Variants in SMPD4 observed in about 807,000 individuals in gnomAD.
SMPD4 encodes sphingomyelin phosphodiesterase 4.
A neutral mutation model predicts 97.8 loss-of-function variants in SMPD4; 58 were observed. The observed-to-expected ratio is 0.59, with a 90% CI of 0.48 to 0.74. The LOEUF (loss-of-function observed/expected upper bound fraction) is 0.74. Among genes scored for constraint, SMPD4 ranks in the 30% least tolerant of loss-of-function variants. SMPD4 has a pLI of 0.00. For missense variants in SMPD4, 853 were observed against 1,080.5 expected, an observed-to-expected ratio of 0.79 and a Z score of 2.95; for synonymous variants, 388 against 450.0, an observed-to-expected ratio of 0.86 and a Z score of 1.74.
In SMPD4 at chr2:130,153,151, C is replaced by T. The variant is rs1472427134; in HGVS notation, c.2046G>A (p.Arg682=). ...GGTCCCCCTGGTACTCAATTTCAAA[C>T]CTTCGCAGCCCATTGATGATCTAGA... ...GRYQIINGLR[R]FEIEYQGDPE... Residue 682 remains arginine (R), a synonymous_variant, in exon 19 of 20, where the codon AGG becomes AGA. Coordinates refer to ENST00000680298, the MANE Select transcript of SMPD4 (RefSeq NM_017951.5). The T allele has an allele frequency of 1.2e-6, 2 of 1,613,870 alleles. No homozygotes were observed. The highest frequency in any genetic ancestry group is 1.7e-6 in the Non-Finnish European group (2 of 1,179,988).
intron 11 of SMPD4, chr2:130,158,123 G>C: frequency 8.8e-7 from 1 of 1,135,134 alleles, no homozygotes; most frequent in South Asian, 1.5e-5. Flanking sequence ...GTGGGTGAGA[G>C]TAAGACCTGG....
At chr2:130,167,277 C>T (rs551936348) in intron 9 of SMPD4, among the ~76,000 whole-genome samples, 181 bp downstream of exon 9, 5 of 152,252 alleles carry the variant, frequency 3.3e-5, no homozygotes, top group African/African-American at 9.6e-5. Context: ...CCTGCCACCA[C>T]GCCCAACTAA....
In SMPD4 at chr2:130,175,015, A is replaced by G; in HGVS notation, c.40-15T>C. On this transcript the variant is annotated splice_polypyrimidine_tract_variant and intron_variant, in intron 2 of 19. Coordinates refer to ENST00000680298, the MANE Select transcript of SMPD4 (RefSeq NM_017951.5). Reference sequence around the variant, plus strand: ...TTCAGGCTAGCCTAGAAGACAGAACAAAGCGAAAAAGTCACGAGGACATTC... The same window carrying G: ...TTCAGGCTAGCCTAGAAGACAGAACGAAGCGAAAAAGTCACGAGGACATTC... The G allele has an allele frequency of 6.3e-7, 1 of 1,581,194 alleles. No homozygotes were observed.
chr2:130,166,790 G>A (rs1359755212), intron 9 of SMPD4, among the ~76,000 whole-genome samples: 1 of 152,216 alleles, frequency 6.6e-6, no homozygotes, highest in African/African-American at 2.4e-5. Flanking sequence ...GGGCAGACAA[G>A]GAAATCTGTC....
In SMPD4 at chr2:130,161,229, T is replaced by C. The variant is rs1253952104; in HGVS notation, c.908A>G (p.Tyr303Cys). The C allele has an allele frequency of 6.2e-7, 1 of 1,613,568 alleles. No individual in the cohort carries two copies. Among genetic ancestry groups the C allele is most frequent in the East Asian group, 2.2e-5 (1 of 44,838 alleles). Residue 303 changes from tyrosine to cysteine, a missense_variant, in exon 11 of 20, where the codon TAC becomes TGC. Coordinates refer to ENST00000680298, the MANE Select transcript of SMPD4 (RefSeq NM_017951.5). ...CTGGAGGCTGGGTTGGGCGGGGCTG[T>C]AGAGGGCGCTGGAGACACTGAGTCG... ...HYRLSVSSALYSPAQPSLQAL... is the reference protein window; with the variant it reads ...HYRLSVSSALCSPAQPSLQAL...
intron 12 of SMPD4, 139 bp from the exon 13 acceptor site, chr2:130,156,814 C>T: frequency 2.6e-6 from 4 of 1,546,250 alleles, no homozygotes; most frequent in Non-Finnish European, 3.5e-6. Context: ...CAGCCCCATT[C>T]TTCAGAGGAA....
intron 11 of SMPD4, 110 bp from the exon 12 acceptor site, chr2:130,157,506 C>T (rs1268306379): frequency 1.0e-5 from 16 of 1,532,604 alleles, no homozygotes; most frequent in East Asian, 4.8e-5. Context: ...GCTGCCCCCA[C>T]GGGAGGCATG....
chr2:130,156,531 C>T (rs1474694607), intron 13 of SMPD4, 54 bp downstream of exon 13: 7 of 1,553,366 alleles, frequency 4.5e-6, no homozygotes, highest in Non-Finnish European at 5.3e-6. Flanking sequence ...AAGGACCTCC[C>T]ACCTCAAGGC....
At position 130,170,458 on chromosome 2, in the gene SMPD4, C is replaced by CAAACAAAAAAAAAAA. The variant is rs1553438101; in HGVS notation, c.659+1890_659+1891insTTTTTTTTTTTGTTT. On this transcript the variant is annotated intron_variant, in intron 8 of 19. Transcript: ENST00000680298. The stretch of plus-strand genomic sequence containing the variant: ...CCTGGGCAACAGAGTAAGACCCTGT[C>CAAACAAAAAAAAAAA]AAAAAAAAAAAAAAAAGCACACAAT... Among the ~76,000 whole-genome samples the CAAACAAAAAAAAAAA allele has an allele frequency of 2.8e-4, 18 of 64,678 alleles. 1 individual carries two copies. The highest frequency in any genetic ancestry group is 1.1e-3 in the African/African-American group (18 of 16,030). The allele number at this position is 64,678 out of a possible 152,430, so 42.4% of individuals were successfully genotyped here.
intron 19 of SMPD4, 39 bp from the exon 20 acceptor site, chr2:130,152,923 G>A: frequency 1.3e-6 from 2 of 1,561,042 alleles, no homozygotes; most frequent in African/African-American, 1.4e-5. Context: ...TGGGGTGGTG[G>A]CACCACAGGC....
intron 3 of SMPD4, among the ~76,000 whole-genome samples, chr2:130,174,536 C>A (rs1376802228): frequency 6.6e-6 from 1 of 152,178 alleles, no homozygotes; most frequent in Non-Finnish European, 1.5e-5. Context: ...AATCTTGGTG[C>A]TGTTGACATT....
At chr2:130,174,472 C>A (rs1209417697) in intron 3 of SMPD4, among the ~76,000 whole-genome samples, 1 of 152,194 alleles carries the variant, frequency 6.6e-6, no homozygotes, top group African/African-American at 2.4e-5. Flanking sequence ...CTGGGCTTGA[C>A]AATTCCAGGT....
chr2:130,165,810 C>A (rs1459931073), intron 9 of SMPD4, among the ~76,000 whole-genome samples: 1 of 152,128 alleles, frequency 6.6e-6, no homozygotes, highest in Non-Finnish European at 1.5e-5. Flanking sequence ...CTTGAGCAAT[C>A]CTTTCCTGCT....
chr2:130,175,058 G>A, intron 2 of SMPD4, 58 bp from the exon 3 acceptor site: 1 of 1,236,816 alleles, frequency 8.1e-7, no homozygotes, highest in Non-Finnish European at 1.2e-6. Flanking sequence ...AGCTTTTAGT[G>A]GCACTCTGGC....
At chr2:130,161,921 C>T (rs967523576) in intron 10 of SMPD4, among the ~76,000 whole-genome samples, 4 of 152,190 alleles carry the variant, frequency 2.6e-5, no homozygotes, top group African/African-American at 9.7e-5. Context: ...GTGTCTAAAA[C>T]TCAAATCAAT....
rs1302079778 is a variant in SMPD4 at position 130,167,577 on chromosome 2, G to A, written c.673C>T (p.Pro225Ser). ...PSPPPRTPAI[P>S]FASYGLHHTS... ...TGGTGGAGGCCATAGGAAGCAAAGG[G>A]TATGGCTGGTGTCCTGAGGGAGACA... Residue 225 changes from proline (P) to serine (S), a missense_variant, in exon 9 of 20, where the codon CCC becomes TCC. Physicochemically the swap from Pro to Ser is moderately conservative, Grantham distance 74. Transcript: ENST00000680298. 6.2e-7 allele frequency: 1 copy of A among 1,609,856 alleles called. No homozygotes were observed. Among genetic ancestry groups the A allele is most frequent in the Non-Finnish European group, 8.5e-7 (1 of 1,177,118 alleles).
At position 130,161,286 on chromosome 2, in the gene SMPD4, C is replaced by T. The variant is rs1558748917; in HGVS notation, c.865-14G>A. ...CAGAACCTCCAGCTGAGATAAGAAA[C>T]AGAGAGATGCCGGAAGAGGCCGAAG... On this transcript the variant is annotated splice_polypyrimidine_tract_variant and intron_variant, in intron 10 of 19. Coordinates refer to ENST00000680298, the MANE Select transcript of SMPD4 (RefSeq NM_017951.5). The T allele has an allele frequency of 2.5e-6, 4 of 1,613,014 alleles. No homozygotes were observed. The highest frequency in any genetic ancestry group is 1.7e-6 in the Non-Finnish European group (2 of 1,179,316).
intron 3 of SMPD4, among the ~76,000 whole-genome samples, chr2:130,174,303 G>A (rs1392712133): frequency 6.6e-6 from 1 of 152,202 alleles, no homozygotes; most frequent in Non-Finnish European, 1.5e-5. Context: ...TTACAGGCAT[G>A]AGCCACCACA....
Position 130,154,492 on chromosome 2 carries a change from A to G in SMPD4, c.1454-10T>C, listed in dbSNP as rs943581266. On this transcript the variant is annotated splice_polypyrimidine_tract_variant and intron_variant, in intron 15 of 19. Coordinates refer to ENST00000680298, the MANE Select transcript of SMPD4 (RefSeq NM_017951.5). ...AGGAATAGCTGCTCACCTAGAAGGC[A>G]GGAGACGAACCTGGCACCCACTTCC... 3.9e-6 allele frequency: 6 copies of G among 1,551,964 alleles called. No individual in the cohort carries two copies. In the African/African-American group the frequency reaches 8.2e-5, roughly 21 times the overall value.
Sources: allele counts gnomAD v4.1 joint callset (sites outside exome capture counted in the v4.1 genomes callset), GRCh38; gene constraint gnomAD v4.1.1; transcripts MANE v1.5; gene names NCBI Gene and HGNC (gene_info 2026-07-23, HGNC 2026-07-21).